Variants in MLIP observed in about 807,000 individuals in gnomAD.
MLIP encodes muscular LMNA interacting protein, also known as muscular LMNA-interacting protein.
MLIP carries 79 observed loss-of-function variants against 84.8 expected under a neutral mutation model. The observed-to-expected ratio is 0.93, with a 90% CI of 0.78 to 1.12. The LOEUF (loss-of-function observed/expected upper bound fraction) is 1.12, where lower values mean the gene tolerates loss of function less well. MLIP is among the 50% of genes most tolerant of loss of function. The pLI is 0.00. For synonymous variants in MLIP, 504 were observed against 463.0 expected (o/e 1.09, Z -1.14); for missense variants, 1,257 against 1,160.6 (o/e 1.08, Z -1.21).
intron 8 of MLIP, among the ~76,000 whole-genome samples, chr6:54,168,615 T>C (rs914976718): frequency 6.6e-6 from 1 of 151,786 alleles, no homozygotes; most frequent in African/African-American, 2.4e-5. Flanking sequence ...ACACAGTAGA[T>C]ACACAAATAT....
intron 12 of MLIP, among the ~76,000 whole-genome samples, chr6:54,247,631 T>C (rs1271875674): frequency 1.3e-5 from 2 of 152,098 alleles, no homozygotes; most frequent in Admixed American, 6.6e-5. Context: ...AAATAATGCA[T>C]AGGAAGGTGT....
rs186197175 is a variant in MLIP at position 54,235,053 on chromosome 6, G to T, written c.2922+4136G>T. Among the ~76,000 whole-genome samples the T allele has an allele frequency of 5.7e-3, 873 of 152,206 alleles. 7 individuals are homozygous for T. Among genetic ancestry groups the T allele is most frequent in the Middle Eastern group, 0.017 (5 of 294 alleles). On this transcript the variant is annotated intron_variant, in intron 12 of 13. Transcript: ENST00000502396. The stretch of plus-strand genomic sequence containing the variant: ...TCATCATTCATTTTGTCTCAAACTA[G>T]TTCTGCACTGGCTTTTCTACTTCTG...
At chr6:54,055,265 G>A (rs1011756331) in intron 1 of MLIP, among the ~76,000 whole-genome samples, 4 of 151,918 alleles carry the variant, frequency 2.6e-5, no homozygotes, top group African/African-American at 4.8e-5. Flanking sequence ...ACATGATCCC[G>A]GGCACACAGC....
intron 12 of MLIP, among the ~76,000 whole-genome samples, chr6:54,251,977 T>A (rs1278479572): frequency 2.9e-4 from 25 of 86,000 alleles, no homozygotes; most frequent in African/African-American, 1.2e-3. Context: ...TATAACATAA[T>A]ATATAATATA....
chr6:54,231,112 A>T (rs1562086400), intron 12 of MLIP, among the ~76,000 whole-genome samples, 195 bp downstream of exon 12: 1 of 152,198 alleles, frequency 6.6e-6, no homozygotes, highest in Non-Finnish European at 1.5e-5. Context: ...CTTGGGAAAT[A>T]ATAAACATTT....
intron 12 of MLIP, among the ~76,000 whole-genome samples, chr6:54,246,225 A>G (rs933677449): frequency 6.6e-6 from 1 of 152,152 alleles, no homozygotes; most frequent in Non-Finnish European, 1.5e-5. Flanking sequence ...TCTTAGCTTT[A>G]TGAAGGCATT....
At chr6:54,165,669 AG>A (rs967313493) in intron 8 of MLIP, among the ~76,000 whole-genome samples, 2 of 151,960 alleles carry the variant, frequency 1.3e-5, no homozygotes, top group African/African-American at 4.8e-5. Context: ...TGTTTTGTGA[AG>A]CTGAAAATGA....
intron 11 of MLIP, among the ~76,000 whole-genome samples, chr6:54,211,309 T>C (rs1052635159): frequency 6.6e-6 from 1 of 152,226 alleles, no homozygotes; most frequent in African/African-American, 2.4e-5. Context: ...GTTTATATGA[T>C]GTTTATTACA....
intron 1 of MLIP, among the ~76,000 whole-genome samples, chr6:54,041,883 G>A (rs997267788): frequency 2.0e-5 from 3 of 151,866 alleles, no homozygotes; most frequent in Non-Finnish European, 4.4e-5. Flanking sequence ...TTAGCTTCCC[G>A]GACCTCAGGC....
chr6:54,086,684 C>T (rs1310335813), intron 1 of MLIP, among the ~76,000 whole-genome samples: 2 of 152,170 alleles, frequency 1.3e-5, no homozygotes, highest in Non-Finnish European at 2.9e-5. Context: ...TCTGGCTCTT[C>T]CCCAGGGTCA....
In MLIP at chr6:54,137,187, T is replaced by G. The variant is rs1171299134; in HGVS notation, c.1118T>G (p.Leu373Arg). 1.3e-6 allele frequency: 2 copies of G among 1,535,990 alleles called. No homozygotes were observed. The highest frequency in any genetic ancestry group is 2.4e-5 in the East Asian group (1 of 40,896). ...CCAGTCCGCATTGTCACGCATTCAC[T>G]CTCTCCGAGCCCCAAACCATTTACC... The part of the protein sequence containing the change: ...YIPVRIVTHS[L>R]SPSPKPFTSS... Residue 373 changes from leucine (L) to arginine (R), a missense_variant, in exon 4 of 14, where the codon CTC becomes CGC. Leu to Arg is a moderately radical substitution (Grantham distance 102, BLOSUM62 -2). Transcript: ENST00000502396.
At chr6:54,205,872 A>C (rs1237201098) in intron 11 of MLIP, among the ~76,000 whole-genome samples, 1 of 152,142 alleles carries the variant, frequency 6.6e-6, no homozygotes, top group African/African-American at 2.4e-5. Context: ...TATTCAGTTA[A>C]TTTATTATTG....
chr6:54,256,215 G>T (rs914565319), intron 12 of MLIP, among the ~76,000 whole-genome samples: 5 of 152,132 alleles, frequency 3.3e-5, no homozygotes, highest in African/African-American at 1.2e-4. Context: ...ACAAAAACTG[G>T]CTCCATTCTT....
intron 1 of MLIP, among the ~76,000 whole-genome samples, chr6:54,092,265 A>G (rs1226248232): frequency 6.6e-6 from 1 of 152,180 alleles, no homozygotes; most frequent in Non-Finnish European, 1.5e-5. Context: ...TTTTGGCTGG[A>G]TCATTCTACA....
intron 13 of MLIP, among the ~76,000 whole-genome samples, chr6:54,262,106 G>A (rs976149358): frequency 6.6e-6 from 1 of 151,926 alleles, no homozygotes; most frequent in South Asian, 2.1e-4. Context: ...TCCTATACTC[G>A]GATTTGATAG....
chr6:54,177,333 TA>T (rs1190108403), intron 9 of MLIP, among the ~76,000 whole-genome samples: 1 of 151,716 alleles, frequency 6.6e-6, no homozygotes, highest in Admixed American at 6.6e-5. Flanking sequence ...ACAAGGAACT[TA>T]AACAAATTTA....
intron 11 of MLIP, among the ~76,000 whole-genome samples, chr6:54,226,713 T>A (rs9474764): frequency 0.031 from 4,700 of 151,852 alleles, 211 homozygotes; most frequent in African/African-American, 0.11. Flanking sequence ...AGAACATCAA[T>A]ATTTTTACAG....
At chr6:54,035,848 A>T (rs180799073) in intron 1 of MLIP, among the ~76,000 whole-genome samples, 4 of 152,070 alleles carry the variant, frequency 2.6e-5, no homozygotes, top group East Asian at 1.9e-4. Flanking sequence ...AAAGTTTTTT[A>T]AAAAATATAT....
intron 1 of MLIP, among the ~76,000 whole-genome samples, chr6:54,063,698 G>C (rs1204839161): frequency 6.6e-6 from 1 of 150,820 alleles, no homozygotes; most frequent in Non-Finnish European, 1.5e-5. Flanking sequence ...AGTGGGATGG[G>C]GTAGGCAGAA....
Sources: allele counts gnomAD v4.1 joint callset (sites outside exome capture counted in the v4.1 genomes callset), GRCh38; gene constraint gnomAD v4.1.1; transcripts MANE v1.5; gene names NCBI Gene and HGNC (gene_info 2026-07-23, HGNC 2026-07-21).